KIAA0319: variants seen among roughly 807,000 people sequenced by gnomAD.
The protein encoded by KIAA0319 is KIAA0319, also known as dyslexia-associated protein KIAA0319.
KIAA0319 carries 83 observed loss-of-function variants against 108.4 expected under a neutral mutation model. The ratio of observed to expected loss-of-function variants is 0.77; its 90% CI spans 0.64 to 0.92. KIAA0319 has a LOEUF of 0.92. Among genes scored for constraint, KIAA0319 ranks in the 40% least tolerant of loss-of-function variants. KIAA0319 has a pLI of 0.00. For synonymous variants in KIAA0319, 484 were observed against 510.4 expected, an observed-to-expected ratio of 0.95 and a Z score of 0.70; for missense variants, 1,195 against 1,322.4, an observed-to-expected ratio of 0.90 and a Z score of 1.49.
In KIAA0319 at chr6:24,615,821, T is replaced by TA. The variant is rs751666186; in HGVS notation, c.-105-14614dup. On this transcript the variant is annotated intron_variant, in intron 1 of 20. Transcript: ENST00000378214. ...CATCTTACTATGAAAGATGAAGACT[T>TA]AGTCACCTCCTACCATGCTGCACAC... 6.6e-4 allele frequency among the ~76,000 whole-genome samples: 101 copies of TA among 152,326 alleles called. 1 individual carries two copies. The highest frequency in any genetic ancestry group is 5.3e-3 in the Admixed American group (81 of 15,298).
intron 4 of KIAA0319, among the ~76,000 whole-genome samples, chr6:24,584,839 T>C (rs563202825): frequency 6.6e-6 from 1 of 152,330 alleles, no homozygotes; most frequent in South Asian, 2.1e-4. Context: ...TTTAAAATGA[T>C]CAATTCATTT....
intron 1 of KIAA0319, among the ~76,000 whole-genome samples, chr6:24,614,535 A>G (rs1363321752): frequency 6.6e-6 from 1 of 152,148 alleles, no homozygotes; most frequent in Non-Finnish European, 1.5e-5. Context: ...TTTTACGTCC[A>G]TTAGTTTTAA....
chr6:24,595,724 C>T (rs1250267542), intron 3 of KIAA0319, 149 bp downstream of exon 3: 2 of 768,624 alleles, frequency 2.6e-6, no homozygotes, highest in Non-Finnish European at 4.1e-6. Flanking sequence ...AGTCATCTTT[C>T]TTGCCACCAC....
chr6:24,612,595 GTT>G, intron 1 of KIAA0319, among the ~76,000 whole-genome samples: 1 of 152,188 alleles, frequency 6.6e-6, no homozygotes, highest in African/African-American at 2.4e-5. Context: ...TTCATGTACT[GTT>G]ATATACCAGC....
chr6:24,589,414 C>T (rs958233191), intron 3 of KIAA0319, among the ~76,000 whole-genome samples: 6 of 152,180 alleles, frequency 3.9e-5, no homozygotes, highest in African/African-American at 1.4e-4. Context: ...CAGTTCATGG[C>T]TGATATGGCT....
intron 1 of KIAA0319, among the ~76,000 whole-genome samples, chr6:24,601,655 A>G (rs1770639794): frequency 1.3e-5 from 2 of 152,172 alleles, no homozygotes; most frequent in African/African-American, 4.8e-5. Flanking sequence ...GGGGCATCCT[A>G]CGTGACTGGT....
chr6:24,614,930 G>A (rs1772930980), intron 1 of KIAA0319, among the ~76,000 whole-genome samples: 1 of 152,036 alleles, frequency 6.6e-6, no homozygotes, highest in Non-Finnish European at 1.5e-5. Flanking sequence ...AAGCCACAGG[G>A]CAGGGGCTCT....
Position 24,583,582 on chromosome 6 carries a change from G to A in KIAA0319, c.1093+22C>T, listed in dbSNP as rs77915956. On this transcript the variant is annotated intron_variant, in intron 5 of 20. Transcript: ENST00000378214. The stretch of plus-strand genomic sequence containing the variant: ...AAAACACCCCAGTTCCTAGTGGTCA[G>A]GGAGGAAGGTTAAACTCTCACCTAC... The A allele has an allele frequency of 3.4e-3, 5,304 of 1,539,372 alleles. 74 individuals are homozygous for A. The African/African-American group carries it at 0.037, about 11-fold the overall frequency.
At chr6:24,632,491 T>C (rs1226572822) in intron 1 of KIAA0319, among the ~76,000 whole-genome samples, 1 of 152,226 alleles carries the variant, frequency 6.6e-6, no homozygotes, top group East Asian at 1.9e-4. Flanking sequence ...TTTCAGCACT[T>C]TCTCTCGCCA....
intron 3 of KIAA0319, among the ~76,000 whole-genome samples, chr6:24,592,659 T>C (rs1322178813): frequency 4.6e-5 from 7 of 152,180 alleles, no homozygotes. Context: ...AGAGGAAAAT[T>C]TGCATTTCAA....
chr6:24,562,984 T>A (rs575008989), intron 16 of KIAA0319, among the ~76,000 whole-genome samples: 1 of 152,248 alleles, frequency 6.6e-6, no homozygotes, highest in African/African-American at 2.4e-5. Context: ...TCCTTTCACA[T>A]TGAGAGAAGC....
At chr6:24,617,171 TAAAAA>T (rs960743835) in intron 1 of KIAA0319, among the ~76,000 whole-genome samples, 1 of 151,586 alleles carries the variant, frequency 6.6e-6, no homozygotes, top group African/African-American at 2.4e-5. Flanking sequence ...TCATAATAAC[TAAAAA>T]AATACTAATA....
At chr6:24,609,279 A>C (rs1036763465) in intron 1 of KIAA0319, among the ~76,000 whole-genome samples, 7 of 150,294 alleles carry the variant, frequency 4.7e-5, no homozygotes, top group African/African-American at 7.3e-5. Flanking sequence ...AAAACAAAAA[A>C]AAAAAAAAAA....
chr6:24,604,013 A>G (rs1771047183), intron 1 of KIAA0319, among the ~76,000 whole-genome samples: 2 of 152,298 alleles, frequency 1.3e-5, no homozygotes, highest in South Asian at 4.2e-4. Flanking sequence ...ACAGGAAGGA[A>G]CCAGACTAAA....
chr6:24,543,809 A>T (rs1760308078), downstream of KIAA0319, among the ~76,000 whole-genome samples: 1 of 152,190 alleles, frequency 6.6e-6, no homozygotes, highest in Non-Finnish European at 1.5e-5. Context: ...TCCAGAATCT[A>T]ATCACCCTAC....
At chr6:24,632,249 C>T (rs930613504) in intron 1 of KIAA0319, among the ~76,000 whole-genome samples, 12 of 152,286 alleles carry the variant, frequency 7.9e-5, no homozygotes, top group African/African-American at 2.9e-4. Context: ...TATAATAGTT[C>T]TTTGTATCAC....
chr6:24,635,661 C>G (rs927987141), intron 1 of KIAA0319, among the ~76,000 whole-genome samples: 2 of 152,096 alleles, frequency 1.3e-5, no homozygotes, highest in African/African-American at 4.8e-5. Context: ...GAGAGTAACC[C>G]TCAGTGGATA....
At chr6:24,573,285 AC>A (rs1459173252) in intron 10 of KIAA0319, among the ~76,000 whole-genome samples, 1 of 152,182 alleles carries the variant, frequency 6.6e-6, no homozygotes, top group Non-Finnish European at 1.5e-5. Context: ...CTTAGTATCT[AC>A]CCCAGAGAAA....
At chr6:24,645,068 C>G (rs1405716774) in intron 1 of KIAA0319, among the ~76,000 whole-genome samples, 6 of 152,106 alleles carry the variant, frequency 3.9e-5, no homozygotes, top group African/African-American at 1.4e-4. Flanking sequence ...GAAATAAATA[C>G]CAACATTTAC....
Sources: gnomAD v4.1 joint callset for allele counts (sites outside exome capture counted in the v4.1 genomes callset) on GRCh38, gnomAD v4.1.1 for gene constraint, MANE v1.5 for transcripts, NCBI Gene and HGNC (gene_info 2026-07-23, HGNC 2026-07-21) for gene names.